KIF5B: variants seen among roughly 807,000 people sequenced by gnomAD.
KIF5B encodes the protein kinesin-1 heavy chain.
KIF5B carries 49 observed loss-of-function variants against 132.8 expected under a neutral mutation model. The ratio of observed to expected loss-of-function variants is 0.37; its 90% CI spans 0.29 to 0.47. KIF5B has a LOEUF of 0.47. Among genes scored for constraint, KIF5B ranks in the 20% least tolerant of loss-of-function variants. KIF5B has a pLI of 1.00. For synonymous variants in KIF5B, 355 were observed against 369.4 expected, an observed-to-expected ratio of 0.96 and a Z score of 0.45; for missense variants, 780 against 1,144.0, an observed-to-expected ratio of 0.68 and a Z score of 4.59.
rs774190002 is a variant in KIF5B at position 32,018,306 on chromosome 10, G to T, written c.2439+10C>A. ...TTATGCAAACGCCTACCTCGGCATAGTTACATTACCTTTTTAACTCTTGTA... is the reference window on the plus strand; with the variant it reads ...TTATGCAAACGCCTACCTCGGCATATTTACATTACCTTTTTAACTCTTGTA... On this transcript the variant is annotated intron_variant, in intron 22 of 25. Transcript: ENST00000302418. The T allele has an allele frequency of 2.0e-6, 3 of 1,500,398 alleles. No homozygotes were observed. The highest frequency in any genetic ancestry group is 8.9e-7 in the Non-Finnish European group (1 of 1,125,432). The allele number at this position is 1,500,398 out of a possible 1,614,324, so 92.9% of individuals were successfully genotyped here. A position where few individuals can be genotyped will look rare whatever the true frequency, so the allele number is the denominator to read the frequency against.
chr10:32,048,106 A>G (rs1202222071), intron 2 of KIF5B, among the ~76,000 whole-genome samples: 1 of 152,308 alleles, frequency 6.6e-6, no homozygotes, highest in East Asian at 1.9e-4. Context: ...ATTTTCCACT[A>G]CTTTTTAGAA....
At chr10:32,049,561 T>C (rs1841661693) in intron 1 of KIF5B, among the ~76,000 whole-genome samples, 2 of 152,118 alleles carry the variant, frequency 1.3e-5, no homozygotes, top group African/African-American at 4.8e-5. Flanking sequence ...AGTTGTTAAG[T>C]TGAAGTACAA....
chr10:32,033,521 C>A (rs2132600285), intron 12 of KIF5B, among the ~76,000 whole-genome samples: 1 of 152,280 alleles, frequency 6.6e-6, no homozygotes, highest in African/African-American at 2.4e-5. Context: ...AAAACCATCT[C>A]CCCGACCTGA....
chr10:32,048,360 GAAGA>G (rs1232747049), intron 2 of KIF5B, 100 bp downstream of exon 2: 28 of 702,426 alleles, frequency 4.0e-5, no homozygotes, highest in Admixed American at 1.4e-4. Context: ...AATTAACTTA[GAAGA>G]AAGGGGCATT....
chr10:32,047,956 T>A (rs192011696), intron 2 of KIF5B, among the ~76,000 whole-genome samples: 1 of 152,386 alleles, frequency 6.6e-6, no homozygotes, highest in Admixed American at 6.5e-5. Context: ...TATAAAGTTA[T>A]AAATATTCTT....
chr10:32,016,823 G>A (rs1342405623), intron 24 of KIF5B, among the ~76,000 whole-genome samples: 2 of 152,142 alleles, frequency 1.3e-5, no homozygotes, highest in Non-Finnish European at 2.9e-5. Flanking sequence ...GGCGTGAGCC[G>A]CTGCGCCCAG....
At chr10:32,042,641 G>A (rs1841558211) in intron 2 of KIF5B, among the ~76,000 whole-genome samples, 1 of 152,194 alleles carries the variant, frequency 6.6e-6, no homozygotes, top group South Asian at 2.1e-4. Flanking sequence ...CATCATCAAT[G>A]TACAGCATCT....
intron 14 of KIF5B, among the ~76,000 whole-genome samples, chr10:32,029,950 T>C (rs749648920): frequency 9.2e-5 from 14 of 152,040 alleles, no homozygotes; most frequent in Non-Finnish European, 1.5e-4. Context: ...AAGGAACTCA[T>C]AGGGGCAGGA....
At position 32,055,987 on chromosome 10, in the gene KIF5B, G is replaced by C. The variant is rs1335419060; in HGVS notation, c.-14C>G. 1.9e-6 allele frequency: 3 copies of C among 1,600,218 alleles called. No individual in the cohort carries two copies. Among genetic ancestry groups the C allele is most frequent in the Admixed American group, 1.7e-5 (1 of 59,948 alleles). ...CAGGTCCGCCATCTTTCTCGCAGCCGGGGCCGGCGGCCGGGAGCCACTCCC... is the reference window on the plus strand; with the variant it reads ...CAGGTCCGCCATCTTTCTCGCAGCCCGGGCCGGCGGCCGGGAGCCACTCCC... On this transcript the variant is annotated 5_prime_UTR_variant, in exon 1 of 26. Coordinates refer to ENST00000302418, the MANE Select transcript of KIF5B (RefSeq NM_004521.3).
intron 1 of KIF5B, 123 bp downstream of exon 1, chr10:32,055,725 C>A (rs191487522): frequency 3.0e-5 from 41 of 1,347,448 alleles, no homozygotes; most frequent in Middle Eastern, 4.6e-4. Context: ...CCGGCAAACC[C>A]CGCCGGGGAG....
chr10:32,048,045 G>T (rs1841636802), intron 2 of KIF5B, among the ~76,000 whole-genome samples: 1 of 152,172 alleles, frequency 6.6e-6, no homozygotes, highest in South Asian at 2.1e-4. Flanking sequence ...CAAGGGATAG[G>T]TAAGTCTTTG....
At chr10:32,024,304 G>A (rs1292310686) in intron 15 of KIF5B, among the ~76,000 whole-genome samples, 8 of 145,392 alleles carry the variant, frequency 5.5e-5, no homozygotes, top group Non-Finnish European at 9.1e-5. Context: ...ACAGGCGCCC[G>A]CCACTACGCC....
Position 32,022,971 on chromosome 10 carries a change from C to T in KIF5B, c.1791G>A (p.Met597Ile). 1 of 1,613,428 alleles carries T rather than the reference C, an allele frequency of 6.2e-7. No homozygotes were observed. Among genetic ancestry groups the T allele is most frequent in the Non-Finnish European group, 8.5e-7 (1 of 1,179,540 alleles). Residue 597 changes from methionine (M) to isoleucine (I), a missense_variant, in exon 16 of 26, where the codon ATG becomes ATA. Met to Ile is a conservative substitution (Grantham distance 10, BLOSUM62 1). Coordinates refer to ENST00000302418, the MANE Select transcript of KIF5B (RefSeq NM_004521.3). Reference sequence around the variant, plus strand: ...TCACCATGGTTTTTACTTCTGACTTCATTTTGCTAATGTAGAGTCTTGCAA... The same window carrying T: ...TCACCATGGTTTTTACTTCTGACTTTATTTTGCTAATGTAGAGTCTTGCAA... ...FTVARLYISK[M>I]KSEVKTMVKR... is the part of the protein sequence containing the mutation.
At chr10:32,022,388 A>G in intron 16 of KIF5B, 131 bp from the exon 17 acceptor site, 1 of 575,854 alleles carries the variant, frequency 1.7e-6, no homozygotes, top group Non-Finnish European at 3.1e-6. Flanking sequence ...TTCAGGAGCC[A>G]ATTTTGAAAT....
intron 24 of KIF5B, among the ~76,000 whole-genome samples, chr10:32,016,773 T>C (rs1841174514): frequency 1.3e-5 from 2 of 152,180 alleles, no homozygotes; most frequent in African/African-American, 4.8e-5. Flanking sequence ...TGACCTCAGG[T>C]GATCCACCCG....
At chr10:32,034,097 T>A in intron 11 of KIF5B, 59 bp from the exon 12 acceptor site, 2 of 1,119,076 alleles carry the variant, frequency 1.8e-6, no homozygotes, top group Non-Finnish European at 2.5e-6. Flanking sequence ...AATTTCAATT[T>A]CATTCCTTTA....
At chr10:32,013,830 T>A (rs959639364) in intron 25 of KIF5B, among the ~76,000 whole-genome samples, 1 of 152,210 alleles carries the variant, frequency 6.6e-6, no homozygotes, top group Non-Finnish European at 1.5e-5. Flanking sequence ...GTAGTCAGGA[T>A]TCCAACTTGG....
At position 32,039,383 on chromosome 10, in the gene KIF5B, G is replaced by T; in HGVS notation, c.337C>A (p.Gln113Lys). The T allele has an allele frequency of 6.5e-7, 1 of 1,531,746 alleles. No individual in the cohort carries two copies. The highest frequency in any genetic ancestry group is 2.3e-5 in the East Asian group (1 of 43,002). 94.9% of individuals were successfully genotyped at this position (1,531,746 alleles called of 1,614,324 possible). The change falls in exon 4 of 26, where the codon CAA becomes AAA. Residue 113 changes from glutamine (Q) to lysine (K), a missense_variant. Transcript: ENST00000302418. ...EGMGIIPRIV[Q>K]DIFNYIYSMD... ...GAGTAAATATAATTAAAAATATCTT[G>T]CACTATTCTTGGAATAATTCCCATG... is the stretch of plus-strand genomic sequence containing the variant.
In KIF5B at chr10:32,050,521, C is replaced by G. The variant is rs532188404; in HGVS notation, c.127-1970G>C. Among the ~76,000 whole-genome samples, 140 of 152,322 alleles carry G rather than the reference C, an allele frequency of 9.2e-4. 2 individuals are homozygous for G. The highest frequency in any genetic ancestry group is 3.7e-3 in the South Asian group (18 of 4,826). On this transcript the variant is annotated intron_variant, in intron 1 of 25. Transcript: ENST00000302418. Reference sequence around the variant, plus strand: ...CGACAAACAGGATGATGAAAAGCAACAGCTAAGGACGACAAAGTATAACAG... The same window carrying G: ...CGACAAACAGGATGATGAAAAGCAAGAGCTAAGGACGACAAAGTATAACAG...
Sources: gnomAD v4.1 joint callset for allele counts (sites outside exome capture counted in the v4.1 genomes callset) on GRCh38, gnomAD v4.1.1 for gene constraint, MANE v1.5 for transcripts, NCBI Gene and HGNC (gene_info 2026-07-23, HGNC 2026-07-21) for gene names.